Variants in SPATA6 observed in about 807,000 individuals in gnomAD.
The protein encoded by SPATA6 is spermatogenesis-associated protein 6.
SPATA6 carries 56 observed loss-of-function variants against 65.3 expected under a neutral mutation model. That is an observed-to-expected ratio of 0.86 (90% CI 0.69 to 1.07). The LOEUF (loss-of-function observed/expected upper bound fraction) is 1.07. Ranked by LOEUF, SPATA6 falls within the 50% of genes least tolerant of loss-of-function variation. The pLI is 0.00. For missense variants in SPATA6, 590 were observed against 594.8 expected, an observed-to-expected ratio of 0.99 and a Z score of 0.08; for synonymous variants, 199 against 213.2, an observed-to-expected ratio of 0.93 and a Z score of 0.58.
At chr1:48,283,974 C>T in the SPATA6 span, among the ~76,000 whole-genome samples, 137 of 152,166 alleles carry the variant, frequency 9.0e-4, 1 homozygote, top group African/African-American at 3.2e-3. Flanking sequence ...GAATGTTGGC[C>T]TGTCTTGCTA....
At chr1:48,439,224 G>A (rs1470445994) in intron 3 of SPATA6, among the ~76,000 whole-genome samples, 1 of 152,158 alleles carries the variant, frequency 6.6e-6, no homozygotes, top group African/African-American at 2.4e-5. Flanking sequence ...TGGTCTAGGA[G>A]GACAGGCAAG....
At position 48,413,131 on chromosome 1, in the gene SPATA6, A is replaced by T. The variant is rs1177638974; in HGVS notation, c.259T>A (p.Leu87Met). The stretch of plus-strand genomic sequence containing the variant: ...TTACCTGGTGGAACTAGCTGTATCA[A>T]CTCGAACACTGCTGTATCATCTAAA... Reference protein sequence around the residue: ...QLEYDTAVFELIQLVPPVGET... With the variant: ...QLEYDTAVFEMIQLVPPVGET... Residue 87 changes from leucine to methionine, a missense_variant, in exon 4 of 13, where the codon TTG (leucine) becomes ATG (methionine). Leu to Met is a conservative substitution (Grantham distance 15). Coordinates refer to ENST00000371847, the MANE Select transcript of SPATA6 (RefSeq NM_019073.4). 7.1e-7 allele frequency: 1 copy of T among 1,400,598 alleles called. No individual in the cohort carries two copies. Among genetic ancestry groups the T allele is most frequent in the African/African-American group, 1.5e-5 (1 of 65,408 alleles). 86.8% of individuals were successfully genotyped at this position (1,400,598 alleles called of 1,614,324 possible).
At position 48,422,669 on chromosome 1, in the gene SPATA6, T is replaced by C. The variant is rs144157927; in HGVS notation, c.239-9518A>G. On this transcript the variant is annotated intron_variant, in intron 3 of 12. Transcript: ENST00000371847. ...ACTATAAACAAATAAAAAGCAAACA[T>C]AAAGCCTATCTGGAGAAAGAGAACA... Among the ~76,000 whole-genome samples the C allele has an allele frequency of 4.9e-3, 750 of 152,228 alleles. 8 individuals carry two copies. Among genetic ancestry groups the C allele is most frequent in the Non-Finnish European group, 7.2e-3 (490 of 67,986 alleles).
the SPATA6 span, among the ~76,000 whole-genome samples, chr1:48,280,491 TA>T: frequency 6.6e-6 from 1 of 151,946 alleles, no homozygotes; most frequent in Non-Finnish European, 1.5e-5. Flanking sequence ...TAAAAAATGA[TA>T]AAGGGGATAT....
chr1:48,329,075 A>G (rs1036882547), intron 11 of SPATA6, among the ~76,000 whole-genome samples: 2 of 152,200 alleles, frequency 1.3e-5, no homozygotes, highest in Non-Finnish European at 2.9e-5. Flanking sequence ...ATACATTTCA[A>G]ATAATTCAAA....
In SPATA6 at chr1:48,326,042, G is replaced by A. The variant is rs56713333; in HGVS notation, c.1195-20164C>T. 503 of 166,050 alleles carry A rather than the reference G, an allele frequency of 3.0e-3. 6 individuals carry two copies. Among genetic ancestry groups the A allele is most frequent in the African/African-American group, 0.011 (478 of 41,756 alleles). The allele number at this position is 166,050 out of a possible 1,614,324, so 10.3% of individuals were successfully genotyped here. The stretch of plus-strand genomic sequence containing the variant: ...TTGTCTCGTTTAACTAAATCCAGAT[G>A]TCAACCAGAAGGGGGCTTACCTGCC... On this transcript the variant is annotated intron_variant, in intron 11 of 12. Coordinates refer to ENST00000371847, the MANE Select transcript of SPATA6 (RefSeq NM_019073.4).
rs1644828506 is a variant in SPATA6 at position 48,297,138 on chromosome 1, G to C, written c.*1575C>G. The C allele has an allele frequency of 1.3e-5, 2 of 151,136 alleles. No individual in the cohort carries two copies. The highest frequency in any genetic ancestry group is 4.3e-4 in the South Asian group (2 of 4,690). The allele number at this position is 151,136 out of a possible 1,614,324, so 9.4% of individuals were successfully genotyped here. ...GACTCTCTAAGAGGTGTGTGTGTGT[G>C]TGTGTGTGTGTGTGTGTGTGTGTGT... On this transcript the variant is annotated 3_prime_UTR_variant, in exon 13 of 13. Transcript: ENST00000371847.
At chr1:48,460,118 G>A (rs1031278616) in intron 1 of SPATA6, among the ~76,000 whole-genome samples, 1 of 151,708 alleles carries the variant, frequency 6.6e-6, no homozygotes, top group Non-Finnish European at 1.5e-5. Context: ...CTACAAGCAG[G>A]TGCCACCATG....
chr1:48,470,289 C>T (rs1219656825), intron 1 of SPATA6, among the ~76,000 whole-genome samples: 1 of 152,094 alleles, frequency 6.6e-6, no homozygotes, highest in Non-Finnish European at 1.5e-5. Context: ...CAGGCAGCTG[C>T]GCTCACCAGA....
rs114286818 is a variant in SPATA6 at position 48,403,602 on chromosome 1, C to T, written c.486+200G>A. ...ATAATCACAAGATGACATCCTCTAT[C>T]ATACACACCAAGCTCTTCATTCTCA... On this transcript the variant is annotated intron_variant, in intron 6 of 12. Coordinates refer to ENST00000371847, the MANE Select transcript of SPATA6 (RefSeq NM_019073.4). Among the ~76,000 whole-genome samples, 844 of 152,212 alleles carry T rather than the reference C, an allele frequency of 5.5e-3. 8 individuals are homozygous for T. The highest frequency in any genetic ancestry group is 0.019 in the African/African-American group (796 of 41,540).
chr1:48,366,514 T>A (rs1647019679), intron 9 of SPATA6, among the ~76,000 whole-genome samples: 1 of 152,240 alleles, frequency 6.6e-6, no homozygotes, highest in Admixed American at 6.5e-5. Context: ...TCTTCCTGGT[T>A]TACTCTTGGG....
At chr1:48,363,185 A>G (rs914541813) in intron 9 of SPATA6, among the ~76,000 whole-genome samples, 2 of 152,074 alleles carry the variant, frequency 1.3e-5, no homozygotes, top group Non-Finnish European at 2.9e-5. Context: ...ACGAGGTAAA[A>G]CGAAAGGGTA....
At chr1:48,423,564 C>CTTTTTTTTTTTTT (rs781669150) in intron 3 of SPATA6, among the ~76,000 whole-genome samples, 30 of 121,070 alleles carry the variant, frequency 2.5e-4, no homozygotes, top group African/African-American at 4.1e-4. Flanking sequence ...TTCTTTCTTT[C>CTTTTTTTTTTTTT]TTTTTTTTTT....
chr1:48,348,822 C>T (rs1646440130), intron 11 of SPATA6, among the ~76,000 whole-genome samples: 2 of 152,146 alleles, frequency 1.3e-5, no homozygotes, highest in South Asian at 4.1e-4. Flanking sequence ...TTATCTCAAA[C>T]TCTAACCCAA....
the SPATA6 span, among the ~76,000 whole-genome samples, chr1:48,271,547 T>C: frequency 6.6e-6 from 1 of 152,154 alleles, no homozygotes; most frequent in Non-Finnish European, 1.5e-5. Flanking sequence ...ATAGGCTTTG[T>C]ATTGCTTTTG....
chr1:48,459,373 G>T (rs1396844291), intron 1 of SPATA6, among the ~76,000 whole-genome samples: 1 of 151,986 alleles, frequency 6.6e-6, no homozygotes, highest in African/African-American at 2.4e-5. Flanking sequence ...ACTTCAGAAA[G>T]AGAAAAATCA....
intron 11 of SPATA6, among the ~76,000 whole-genome samples, chr1:48,345,855 A>G (rs1323112774): frequency 6.6e-6 from 1 of 152,076 alleles, no homozygotes; most frequent in Non-Finnish European, 1.5e-5. Flanking sequence ...TAAATAGCCT[A>G]CTAACAACAA....
intron 12 of SPATA6, among the ~76,000 whole-genome samples, chr1:48,302,441 A>G (rs1411963338): frequency 6.6e-6 from 1 of 152,044 alleles, no homozygotes; most frequent in Non-Finnish European, 1.5e-5. Flanking sequence ...ATGTGTACCC[A>G]TTGTTTAGCT....
chr1:48,306,963 T>A (rs959186832), intron 11 of SPATA6, among the ~76,000 whole-genome samples: 1 of 151,920 alleles, frequency 6.6e-6, no homozygotes, highest in African/African-American at 2.4e-5. Flanking sequence ...CACTTTCTTT[T>A]AGTTAGTGCT....
Sources: allele counts gnomAD v4.1 joint callset (sites outside exome capture counted in the v4.1 genomes callset), GRCh38; gene constraint gnomAD v4.1.1; transcripts MANE v1.5; gene names NCBI Gene and HGNC (gene_info 2026-07-23, HGNC 2026-07-21).